Variants in IKZF2 observed in about 807,000 individuals in gnomAD.
IKZF2 encodes zinc finger protein Helios.
A neutral mutation model predicts 49.2 loss-of-function variants in IKZF2; 15 were observed. That is an observed-to-expected ratio of 0.30 (90% CI 0.20 to 0.47). The LOEUF is 0.47. IKZF2 is among the 20% of genes least tolerant of loss of function. IKZF2 has a pLI of 1.00. For missense variants in IKZF2, 567 were observed against 664.6 expected, an observed-to-expected ratio of 0.85 and a Z score of 1.61; for synonymous variants, 227 against 221.4, an observed-to-expected ratio of 1.03 and a Z score of -0.23.
At chr2:213,015,541 A>T (rs1455378713) in intron 7 of IKZF2, among the ~76,000 whole-genome samples, 1 of 152,082 alleles carries the variant, frequency 6.6e-6, no homozygotes, top group East Asian at 1.9e-4. Context: ...AAAAACATTC[A>T]AGGATGACCA....
At chr2:213,051,306 G>A (rs895368607) in intron 5 of IKZF2, among the ~76,000 whole-genome samples, 5 of 151,926 alleles carry the variant, frequency 3.3e-5, no homozygotes. Flanking sequence ...AAATTCTGTA[G>A]TATTTAGTGT....
intron 4 of IKZF2, among the ~76,000 whole-genome samples, chr2:213,067,410 G>A (rs1355491287): frequency 1.3e-5 from 2 of 151,988 alleles, no homozygotes; most frequent in Non-Finnish European, 2.9e-5. Context: ...CTCAAGATAG[G>A]GGCAAGCATG....
intron 4 of IKZF2, among the ~76,000 whole-genome samples, chr2:213,108,055 G>GAA (rs1461556307): frequency 1.3e-5 from 2 of 151,888 alleles, no homozygotes; most frequent in Non-Finnish European, 2.9e-5. Context: ...GTAAACTTGG[G>GAA]AAAAAAACGA....
rs774049710 is a variant in IKZF2, at chr2:213,083,537, C to A, written c.140-26438G>T. On this transcript the variant is annotated intron_variant, in intron 4 of 8. Transcript: ENST00000434687. ...TAGCTGGGATTACAGACATGCGCCA[C>A]CACACCAGGCTAACTTTTTTTTTTT... Among the ~76,000 whole-genome samples, 3 of 148,082 alleles carry A rather than the reference C, an allele frequency of 2.0e-5. No homozygotes were observed. The Admixed American group carries it at 2.1e-4, about 10-fold the overall frequency.
chr2:213,011,163 G>A (rs1415390608), intron 8 of IKZF2, among the ~76,000 whole-genome samples: 1 of 151,006 alleles, frequency 6.6e-6, no homozygotes, highest in Non-Finnish European at 1.5e-5. Flanking sequence ...AAGAAAAACA[G>A]GTTGCATGGA....
chr2:213,005,264 A>G lies in IKZF2; in HGVS notation c.*2096T>C, dbSNP rs2124980204. 1 of 148,678 alleles carries G rather than the reference A, an allele frequency of 6.7e-6. No individual in the cohort carries two copies. The highest frequency in any genetic ancestry group is 2.1e-4 in the South Asian group (1 of 4,698). The allele number at this position is 148,678 out of a possible 1,614,324, so 9.2% of individuals were successfully genotyped here. A position where few individuals can be genotyped will look rare whatever the true frequency, so the allele number is the denominator to read the frequency against. On this transcript the variant is annotated 3_prime_UTR_variant, in exon 9 of 9. Transcript: ENST00000434687. The stretch of plus-strand genomic sequence containing the variant: ...TTGTATGTTCACTATGTACCAAGGC[A>G]TGCAGAAAAAAAAAAATGAAATGGT...
At chr2:213,086,431 A>G (rs2125605879) in intron 4 of IKZF2, among the ~76,000 whole-genome samples, 1 of 152,344 alleles carries the variant, frequency 6.6e-6, no homozygotes. Flanking sequence ...TTTACAAAAA[A>G]CAGACTAAAA....
In IKZF2 at chr2:213,005,816, A is replaced by C. The variant is rs1424592558; in HGVS notation, c.*1544T>G. On this transcript the variant is annotated 3_prime_UTR_variant, in exon 9 of 9. Transcript: ENST00000434687. Reference sequence around the variant, plus strand: ...TGCAAAGAAAAAACAGAGCGCCCACATAAATGAAATTAAAATCTGCACATG... The same window carrying C: ...TGCAAAGAAAAAACAGAGCGCCCACCTAAATGAAATTAAAATCTGCACATG... 1 of 152,038 alleles carries C rather than the reference A, an allele frequency of 6.6e-6. No homozygotes were observed. The highest frequency in any genetic ancestry group is 2.4e-5 in the African/African-American group (1 of 41,428). 9.4% of individuals were successfully genotyped at this position (152,038 alleles called of 1,614,324 possible).
intron 4 of IKZF2, among the ~76,000 whole-genome samples, chr2:213,094,728 T>A (rs1705773106): frequency 1.3e-5 from 2 of 152,122 alleles, no homozygotes; most frequent in Non-Finnish European, 1.5e-5. Context: ...AGTATAATCA[T>A]ATCTGTAAGT....
chr2:213,120,576 A>G (rs2060021764), intron 4 of IKZF2, among the ~76,000 whole-genome samples: 1 of 152,230 alleles, frequency 6.6e-6, no homozygotes, highest in African/African-American at 2.4e-5. Context: ...AGCTTATTAG[A>G]CTGCATTCCT....
At chr2:213,126,954 C>T (rs2060284405) in intron 4 of IKZF2, among the ~76,000 whole-genome samples, 1 of 152,302 alleles carries the variant, frequency 6.6e-6, no homozygotes, top group East Asian at 1.9e-4. Flanking sequence ...ATAAACCTAT[C>T]ACAGCCCATA....
rs376239670 is a variant in IKZF2, at chr2:213,079,070, G to C, written c.140-21971C>G. Among the ~76,000 whole-genome samples, 97 of 152,212 alleles carry C rather than the reference G, an allele frequency of 6.4e-4. 1 individual carries two copies. The highest frequency in any genetic ancestry group is 5.6e-3 in the South Asian group (27 of 4,820). ...TAATTTTCTCTTTTTTGTTGAGGGA[G>C]AAGGGGGAGAAGGTCTATAAAGAAG... is the stretch of plus-strand genomic sequence containing the variant. On this transcript the variant is annotated intron_variant, in intron 4 of 8. Coordinates refer to ENST00000434687, the MANE Select transcript of IKZF2 (RefSeq NM_001387220.1).
intron 8 of IKZF2, among the ~76,000 whole-genome samples, chr2:213,011,425 G>A (rs1695941328): frequency 6.6e-6 from 1 of 151,980 alleles, no homozygotes; most frequent in Non-Finnish European, 1.5e-5. Flanking sequence ...GCCAGGATAG[G>A]AGAATTCCTG....
intron 1 of IKZF2, 39 bp from the exon 2 acceptor site, chr2:213,150,286 T>G (rs2061236981): frequency 1.3e-6 from 1 of 779,962 alleles, no homozygotes; most frequent in Admixed American, 2.4e-5. Context: ...AAGTTTTTTG[T>G]GTTTCCCCCT....
upstream of IKZF2, chr2:213,151,696 C>A: frequency 6.7e-6 from 1 of 148,472 alleles, no homozygotes; most frequent in South Asian, 1.8e-4. Context: ...GCGCAGACGC[C>A]CGCGGGCGGA....
At chr2:213,142,542 T>TTTGCATGTATTGCCTTA (rs751091526) in intron 4 of IKZF2, among the ~76,000 whole-genome samples, 2 of 151,984 alleles carry the variant, frequency 1.3e-5, no homozygotes, top group Non-Finnish European at 2.9e-5. Flanking sequence ...TGCTGAGCAT[T>TTTGCATGTATTGCCTTA]TTGCATGTAT....
At chr2:213,067,506 T>C (rs143957765) in intron 4 of IKZF2, among the ~76,000 whole-genome samples, 11 of 152,192 alleles carry the variant, frequency 7.2e-5, no homozygotes, top group African/African-American at 2.4e-4. Flanking sequence ...TAATATACAA[T>C]AGAACATATC....
intron 4 of IKZF2, among the ~76,000 whole-genome samples, chr2:213,120,916 A>G (rs1261988542): frequency 1.3e-5 from 2 of 151,952 alleles, no homozygotes; most frequent in Non-Finnish European, 2.9e-5. Flanking sequence ...AATTTTTTGT[A>G]TTTTTTGTAG....
intron 4 of IKZF2, among the ~76,000 whole-genome samples, chr2:213,089,947 G>A (rs1705108604): frequency 6.6e-6 from 1 of 152,162 alleles, no homozygotes; most frequent in African/African-American, 2.4e-5. Flanking sequence ...GATACTCTGG[G>A]CACTAGCAGA....
Sources: allele counts gnomAD v4.1 joint callset (sites outside exome capture counted in the v4.1 genomes callset), GRCh38; gene constraint gnomAD v4.1.1; transcripts MANE v1.5; gene names NCBI Gene and HGNC (gene_info 2026-07-23, HGNC 2026-07-21).